PIGL: variants seen among roughly 807,000 people sequenced by gnomAD.
PIGL encodes phosphatidylinositol glycan anchor biosynthesis class L.
In PIGL, 22 loss-of-function variants were observed where a neutral mutation model predicts 31.1. That is an observed-to-expected ratio of 0.71 (90% CI 0.51 to 1.01). The LOEUF (loss-of-function observed/expected upper bound fraction) is 1.01, where lower values mean the gene tolerates loss of function less well. Among genes scored for constraint, PIGL ranks in the 50% least tolerant of loss-of-function variants. PIGL has a pLI of 0.00. For missense variants in PIGL, 302 were observed against 315.9 expected (o/e 0.96, Z 0.33); for synonymous variants, 131 against 117.4 (o/e 1.12, Z -0.75).
In PIGL at chr17:16,217,447, T is replaced by C; in HGVS notation, c.221T>C (p.Leu74Pro). Reference protein sequence around the residue: ...LARLRHWVYLLCFSAGNYYNQ... With the variant: ...LARLRHWVYLPCFSAGNYYNQ... ...CGCCTAAGGCACTGGGTGTACCTGC[T>C]TTGCTTCTCTGCAGGTAGGAGGCCA... Residue 74 changes from leucine to proline, a missense_variant, in exon 1 of 7, where the codon CTT (leucine) becomes CCT (proline). By Grantham distance (98) the Leu-to-Pro change is moderately conservative. Coordinates refer to ENST00000225609, the MANE Select transcript of PIGL (RefSeq NM_004278.4). The C allele has an allele frequency of 6.2e-7, 1 of 1,613,394 alleles. No homozygotes were observed. The highest frequency in any genetic ancestry group is 8.5e-7 in the Non-Finnish European group (1 of 1,179,318).
intron 2 of PIGL, among the ~76,000 whole-genome samples, chr17:16,259,893 C>G (rs1379364319): frequency 6.6e-6 from 1 of 152,232 alleles, no homozygotes; most frequent in Non-Finnish European, 1.5e-5. Flanking sequence ...ACTCTTGACT[C>G]AGGAAGCCCC....
chr17:16,253,686 G>GT (rs1423713575), intron 2 of PIGL, among the ~76,000 whole-genome samples: 1 of 152,088 alleles, frequency 6.6e-6, no homozygotes, highest in Non-Finnish European at 1.5e-5. Flanking sequence ...GCTCATGCCT[G>GT]TAATCCCAGC....
intron 5 of PIGL, 77 bp from the exon 6 acceptor site, chr17:16,317,698 A>G (rs1238144230): frequency 6.2e-7 from 1 of 1,600,086 alleles, no homozygotes; most frequent in Non-Finnish European, 8.5e-7. Flanking sequence ...GCCACAGGGT[A>G]GAGGGAGGAT....
intron 1 of PIGL, among the ~76,000 whole-genome samples, chr17:16,230,647 C>T (rs1235622502): frequency 6.7e-5 from 10 of 148,824 alleles, no homozygotes; most frequent in Non-Finnish European, 1.3e-4. Flanking sequence ...GAGATGGAGT[C>T]TCACTCTGTT....
At chr17:16,298,380 T>C in intron 2 of PIGL, among the ~76,000 whole-genome samples, 1 of 151,928 alleles carries the variant, frequency 6.6e-6, no homozygotes, top group East Asian at 1.9e-4. Flanking sequence ...CAAAGAGAGA[T>C]AGGTATCAGT....
chr17:16,321,814 C>T (rs948816053), intron 6 of PIGL, among the ~76,000 whole-genome samples: 8 of 150,878 alleles, frequency 5.3e-5, no homozygotes, highest in Non-Finnish European at 1.0e-4. Context: ...GACGGAGTTT[C>T]GCTCTTATTG....
At chr17:16,270,661 T>C (rs1318630359) in intron 2 of PIGL, among the ~76,000 whole-genome samples, 1 of 151,984 alleles carries the variant, frequency 6.6e-6, no homozygotes, top group Non-Finnish European at 1.5e-5. Context: ...CTTTAGGAGA[T>C]TGAGGTAGGC....
intron 2 of PIGL, among the ~76,000 whole-genome samples, chr17:16,250,738 C>T (rs1403860775): frequency 6.6e-6 from 1 of 152,132 alleles, no homozygotes; most frequent in African/African-American, 2.4e-5. Flanking sequence ...TTTCTTAATC[C>T]TCAAAATAGT....
At chr17:16,291,492 G>GC (rs1014089657) in intron 2 of PIGL, among the ~76,000 whole-genome samples, 2 of 137,898 alleles carry the variant, frequency 1.5e-5, no homozygotes, top group African/African-American at 5.5e-5. Context: ...GGGCAACAGA[G>GC]CGAGACTCTG....
At chr17:16,254,734 A>G (rs2092786866) in intron 2 of PIGL, among the ~76,000 whole-genome samples, 1 of 151,990 alleles carries the variant, frequency 6.6e-6, no homozygotes, top group South Asian at 2.1e-4. Context: ...CCTCCTGAGT[A>G]GCTGGGACTA....
rs1035219194 is a variant in PIGL, at chr17:16,217,317, C to T, written c.91C>T (p.Arg31Trp). The change falls in exon 1 of 7, where the codon CGG (arginine) becomes TGG (tryptophan). Residue 31 changes from arginine (R) to tryptophan (W), a missense_variant. By Grantham distance (101) the Arg-to-Trp change is moderately radical. Coordinates refer to ENST00000225609, the MANE Select transcript of PIGL (RefSeq NM_004278.4). ...GGACTCCTCAGAACGAATGAAGAGT[C>T]GGGAGCAGGGAGGACGGCTGGGAGC... ...VWDSSERMKS[R>W]EQGGRLGAES... is the part of the protein sequence containing the mutation. 6.2e-7 allele frequency: 1 copy of T among 1,614,136 alleles called. No homozygotes were observed. The highest frequency in any genetic ancestry group is 2.2e-5 in the East Asian group (1 of 44,882).
chr17:16,295,513 GGCTCACA>G (rs2092977926), intron 2 of PIGL, among the ~76,000 whole-genome samples: 1 of 151,722 alleles, frequency 6.6e-6, no homozygotes, highest in African/African-American at 2.4e-5. Context: ...TGGGCTTGGT[GGCTCACA>G]CCTGTAATCT....
intron 2 of PIGL, among the ~76,000 whole-genome samples, chr17:16,240,429 C>T (rs915976928): frequency 6.6e-6 from 1 of 152,142 alleles, no homozygotes; most frequent in African/African-American, 2.4e-5. Context: ...CCTCCCACCT[C>T]AGCCCCTCAA....
chr17:16,270,101 A>G (rs1018583355), intron 2 of PIGL, among the ~76,000 whole-genome samples: 1 of 152,040 alleles, frequency 6.6e-6, no homozygotes, highest in Non-Finnish European at 1.5e-5. Flanking sequence ...AGCCTGCCCA[A>G]CATCTGCGAA....
At chr17:16,322,255 G>A (rs1156679230) in intron 6 of PIGL, among the ~76,000 whole-genome samples, 3 of 151,770 alleles carry the variant, frequency 2.0e-5, no homozygotes, top group Non-Finnish European at 2.9e-5. Flanking sequence ...CACTTCGCCC[G>A]GCTAATTTTT....
At chr17:16,258,746 C>G (rs1222192952) in intron 2 of PIGL, among the ~76,000 whole-genome samples, 1 of 152,122 alleles carries the variant, frequency 6.6e-6, no homozygotes, top group Non-Finnish European at 1.5e-5. Context: ...GGTGATTGAC[C>G]TGCCTTGGCT....
At chr17:16,306,151 A>G (rs1245820818) in intron 3 of PIGL, among the ~76,000 whole-genome samples, 1 of 151,992 alleles carries the variant, frequency 6.6e-6, no homozygotes, top group Non-Finnish European at 1.5e-5. Flanking sequence ...GGGTTTCACC[A>G]ACCTGGCCAG....
rs923023524 is a variant in PIGL at position 16,300,047 on chromosome 17, A to AT, written c.426+75dup. 15 of 1,269,718 alleles carry AT rather than the reference A, an allele frequency of 1.2e-5. No homozygotes were observed. In the Admixed American group the frequency reaches 1.5e-4, roughly 13 times the overall value. The allele number at this position is 1,269,718 out of a possible 1,614,324, so 78.7% of individuals were successfully genotyped here. A position where few individuals can be genotyped will look rare whatever the true frequency, so the allele number is the denominator to read the frequency against. On this transcript the variant is annotated intron_variant, in intron 3 of 6. Coordinates refer to ENST00000225609, the MANE Select transcript of PIGL (RefSeq NM_004278.4). ...CCATTCACACCAGGTGGTTTCTGTAATTTTTTCTGTGGCCACCCTCCCACT... is the reference window on the plus strand; with the variant it reads ...CCATTCACACCAGGTGGTTTCTGTAATTTTTTTCTGTGGCCACCCTCCCACT...
intron 5 of PIGL, 30 bp downstream of exon 5, chr17:16,316,742 C>T (rs1264882093): frequency 1.2e-6 from 2 of 1,608,972 alleles, no homozygotes; most frequent in Admixed American, 1.7e-5. Context: ...CAAAGGGCCA[C>T]AAGATACTGT....
Sources: allele counts gnomAD v4.1 joint callset (sites outside exome capture counted in the v4.1 genomes callset), GRCh38; gene constraint gnomAD v4.1.1; transcripts MANE v1.5; gene names NCBI Gene and HGNC (gene_info 2026-07-23, HGNC 2026-07-21).